The following ATP8A2 variants were observed in gnomAD, a reference collection of about 807,000 sequenced individuals.
ATP8A2 encodes ATPase phospholipid transporting 8A2.
In ATP8A2, 100 loss-of-function variants were observed where a neutral mutation model predicts 165.6. That is an observed-to-expected ratio of 0.60 (90% CI 0.51 to 0.71). The LOEUF is 0.71. ATP8A2 is among the 30% of genes least tolerant of loss of function. The pLI is 0.00. For synonymous variants in ATP8A2, 543 were observed against 548.8 expected, an observed-to-expected ratio of 0.99 and a Z score of 0.15; for missense variants, 1,227 against 1,479.5, an observed-to-expected ratio of 0.83 and a Z score of 2.80.
At chr13:25,703,947 G>A (rs145347169) in intron 25 of ATP8A2, among the ~76,000 whole-genome samples, 3 of 152,236 alleles carry the variant, frequency 2.0e-5, no homozygotes, top group African/African-American at 7.2e-5. Flanking sequence ...TTCTACCTCA[G>A]TAAAATATAA....
At chr13:25,507,551 C>T (rs1326194836) in intron 2 of ATP8A2, among the ~76,000 whole-genome samples, 1 of 151,992 alleles carries the variant, frequency 6.6e-6, no homozygotes, top group Non-Finnish European at 1.5e-5. Flanking sequence ...CAGGTGTCAG[C>T]CACTGTGCCT....
At chr13:25,550,437 G>A (rs2038786295) in intron 10 of ATP8A2, among the ~76,000 whole-genome samples, 1 of 152,126 alleles carries the variant, frequency 6.6e-6, no homozygotes. Flanking sequence ...ATGACTTCAG[G>A]TGCATAACTG....
chr13:25,660,259 G>A (rs955159160), intron 24 of ATP8A2, among the ~76,000 whole-genome samples: 10 of 152,100 alleles, frequency 6.6e-5, no homozygotes, highest in East Asian at 1.9e-4. Context: ...TCATTTCAAC[G>A]TTTGTGTGAT....
intron 24 of ATP8A2, among the ~76,000 whole-genome samples, chr13:25,594,085 C>T (rs1348813189): frequency 6.6e-6 from 1 of 152,106 alleles, no homozygotes; most frequent in Non-Finnish European, 1.5e-5. Flanking sequence ...GAAATATTAG[C>T]TGTGGTAACA....
intron 2 of ATP8A2, among the ~76,000 whole-genome samples, chr13:25,519,101 G>A (rs910413068): frequency 1.3e-5 from 2 of 152,182 alleles, no homozygotes; most frequent in African/African-American, 4.8e-5. Flanking sequence ...TCCTACAGGT[G>A]GAGCAACGGG....
chr13:25,576,482 A>G (rs917604670), intron 19 of ATP8A2, among the ~76,000 whole-genome samples: 1 of 152,096 alleles, frequency 6.6e-6, no homozygotes, highest in Non-Finnish European at 1.5e-5. Flanking sequence ...AGAAGAATTC[A>G]TAGGCGGTGG....
At chr13:25,782,850 T>C (rs779465719) in intron 27 of ATP8A2, among the ~76,000 whole-genome samples, 3 of 152,054 alleles carry the variant, frequency 2.0e-5, no homozygotes, top group Non-Finnish European at 4.4e-5. Flanking sequence ...CTTGATTCTC[T>C]TGCCTCAGCC....
At chr13:25,665,187 A>G (rs2042126259) in intron 24 of ATP8A2, among the ~76,000 whole-genome samples, 1 of 152,220 alleles carries the variant, frequency 6.6e-6, no homozygotes. Context: ...GGGCAGGGGA[A>G]CTATTTCCTA....
intron 25 of ATP8A2, among the ~76,000 whole-genome samples, chr13:25,723,942 G>A (rs74040719): frequency 0.015 from 2,325 of 152,270 alleles, 54 homozygotes; most frequent in African/African-American, 0.053. Context: ...TTGATGGACC[G>A]TGGCTGGTTT....
intron 30 of ATP8A2, among the ~76,000 whole-genome samples, chr13:25,855,055 A>C (rs1267296233): frequency 6.6e-6 from 1 of 152,108 alleles, no homozygotes; most frequent in Non-Finnish European, 1.5e-5. Context: ...GTTCGAGACC[A>C]GCCTGACCAA....
chr13:25,765,573 G>A, intron 25 of ATP8A2, among the ~76,000 whole-genome samples: 1 of 152,186 alleles, frequency 6.6e-6, no homozygotes, highest in East Asian at 1.9e-4. Context: ...CATTACAGCT[G>A]AGGGCATAAT....
Position 25,971,742 on chromosome 13 carries a change from G to T in ATP8A2, c.3377+3063G>T, listed in dbSNP as rs568645689. Among the ~76,000 whole-genome samples, 15 of 152,154 alleles carry T rather than the reference G, an allele frequency of 9.9e-5. No homozygotes were observed. In the South Asian group the frequency reaches 3.1e-3, roughly 32 times the overall value. Reference sequence around the variant, plus strand: ...TGACAGTCACCGGGCCTCCAGGGAGGGGGCAGTTTATCTCATTGCTTGAGA... The same window carrying T: ...TGACAGTCACCGGGCCTCCAGGGAGTGGGCAGTTTATCTCATTGCTTGAGA... On this transcript the variant is annotated intron_variant, in intron 35 of 36. Coordinates refer to ENST00000381655, the MANE Select transcript of ATP8A2 (RefSeq NM_016529.6).
chr13:25,748,313 T>G (rs1389968632), intron 25 of ATP8A2, among the ~76,000 whole-genome samples: 1 of 152,256 alleles, frequency 6.6e-6, no homozygotes, highest in African/African-American at 2.4e-5. Context: ...GTATTTTGAA[T>G]GTTCTTTAGA....
At chr13:25,994,562 T>C (rs1248941060) in intron 35 of ATP8A2, among the ~76,000 whole-genome samples, 1 of 152,132 alleles carries the variant, frequency 6.6e-6, no homozygotes, top group African/African-American at 2.4e-5. Context: ...CTTAATTTGC[T>C]AAGAGATTTT....
chr13:25,491,792 C>CA lies in ATP8A2; in HGVS notation c.221+22673dup, dbSNP rs768960934. Among the ~76,000 whole-genome samples, 133 of 152,148 alleles carry CA rather than the reference C, an allele frequency of 8.7e-4. 1 individual carries two copies. Among genetic ancestry groups the CA allele is most frequent in the Non-Finnish European group, 8.8e-5 (6 of 67,996 alleles). ...TATTCATTGTTTTAAAATTGAAGACCAAGTCAAGAAAAGAAAATATGACAT... is the reference window on the plus strand; with the variant it reads ...TATTCATTGTTTTAAAATTGAAGACCAAAGTCAAGAAAAGAAAATATGACAT... On this transcript the variant is annotated intron_variant, in intron 2 of 36. Coordinates refer to ENST00000381655, the MANE Select transcript of ATP8A2 (RefSeq NM_016529.6).
chr13:25,478,165 C>T lies in ATP8A2; in HGVS notation c.221+9044C>T, dbSNP rs560155815. Among the ~76,000 whole-genome samples the T allele has an allele frequency of 8.2e-4, 124 of 151,804 alleles. 1 individual carries two copies. The highest frequency in any genetic ancestry group is 2.9e-3 in the African/African-American group (119 of 41,400). On this transcript the variant is annotated intron_variant, in intron 2 of 36. Transcript: ENST00000381655. ...TGATGAGTAGATGGGAAAACCCTTA[C>T]TCTCGGGGCATCAAAGAACATTCCC... is the stretch of plus-strand genomic sequence containing the variant.
At chr13:25,624,974 GT>G (rs1396143570) in intron 24 of ATP8A2, among the ~76,000 whole-genome samples, 1 of 152,094 alleles carries the variant, frequency 6.6e-6, no homozygotes, top group African/African-American at 2.4e-5. Context: ...ATATAAAATG[GT>G]CTTATTTTTC....
At chr13:25,605,927 C>T (rs2138401912) in intron 24 of ATP8A2, among the ~76,000 whole-genome samples, 1 of 152,266 alleles carries the variant, frequency 6.6e-6, no homozygotes, top group East Asian at 1.9e-4. Flanking sequence ...TGGAGGTAAT[C>T]TATATTCACA....
At chr13:25,522,628 A>G (rs1280667412) in intron 2 of ATP8A2, among the ~76,000 whole-genome samples, 2 of 152,116 alleles carry the variant, frequency 1.3e-5, no homozygotes, top group Non-Finnish European at 1.5e-5. Flanking sequence ...GAGATACTGA[A>G]TTTTGTCAAA....
Sources: allele counts gnomAD v4.1 joint callset (sites outside exome capture counted in the v4.1 genomes callset), GRCh38; gene constraint gnomAD v4.1.1; transcripts MANE v1.5; gene names NCBI Gene and HGNC (gene_info 2026-07-23, HGNC 2026-07-21).